DOCK5: variants seen among roughly 807,000 people sequenced by gnomAD.
DOCK5 encodes the protein dedicator of cytokinesis protein 5.
DOCK5 carries 142 observed loss-of-function variants against 251.8 expected under a neutral mutation model. The ratio of observed to expected loss-of-function variants is 0.56; its 90% CI spans 0.49 to 0.65. DOCK5 has a LOEUF of 0.65. Among genes scored for constraint, DOCK5 ranks in the 30% least tolerant of loss-of-function variants. DOCK5 has a pLI of 0.00. For synonymous variants in DOCK5, 842 were observed against 835.5 expected, an observed-to-expected ratio of 1.01 and a Z score of -0.13; for missense variants, 2,111 against 2,312.3, an observed-to-expected ratio of 0.91 and a Z score of 1.79.
intron 2 of DOCK5, among the ~76,000 whole-genome samples, chr8:25,262,364 C>T (rs1042624707): frequency 1.1e-4 from 17 of 151,866 alleles, no homozygotes; most frequent in African/African-American, 3.9e-4. Context: ...AATCTTGAAA[C>T]ACAACCGTGG....
intron 38 of DOCK5, among the ~76,000 whole-genome samples, chr8:25,379,973 G>A (rs1475432646): frequency 6.6e-6 from 1 of 152,084 alleles, no homozygotes; most frequent in African/African-American, 2.4e-5. Flanking sequence ...ACCTGGGCTG[G>A]CAGAGCTTCC....
At position 25,300,672 on chromosome 8, in the gene DOCK5, CT is replaced by C. The variant is rs760891611; in HGVS notation, c.846+16del. ...CAGTGTTTACAGTAAGTCCTCCCTT[CT>C]GTTTAATCATTCTCTTTGTTTGTGA... On this transcript the variant is annotated intron_variant, in intron 9 of 51. Transcript: ENST00000276440. The C allele has an allele frequency of 3.1e-6, 5 of 1,603,898 alleles. No homozygotes were observed. The East Asian group carries it at 1.1e-4, about 36-fold the overall frequency.
chr8:25,210,041 T>TATATATATATATAA (rs1563309172), intron 1 of DOCK5, among the ~76,000 whole-genome samples: 2 of 17,314 alleles, frequency 1.2e-4, no homozygotes, highest in African/African-American at 5.6e-4. Flanking sequence ...TATAAATGTG[T>TATATATATATATAA]GTGTGTGTGT....
intron 50 of DOCK5, 111 bp from the exon 51 acceptor site, chr8:25,409,988 T>C (rs1311779518): frequency 8.6e-6 from 7 of 814,782 alleles, no homozygotes. Context: ...GAATGTGGCT[T>C]TCATCAGTTG....
intron 2 of DOCK5, among the ~76,000 whole-genome samples, chr8:25,265,061 A>G (rs1271081984): frequency 2.0e-5 from 3 of 151,876 alleles, no homozygotes; most frequent in Admixed American, 2.0e-4. Flanking sequence ...GGCATATAAT[A>G]CCTGTGTCTG....
chr8:25,214,894 C>T (rs1802200153), intron 1 of DOCK5, among the ~76,000 whole-genome samples: 1 of 152,148 alleles, frequency 6.6e-6, no homozygotes, highest in Non-Finnish European at 1.5e-5. Flanking sequence ...TGTGTCCTAC[C>T]CTAACTTTGT....
intron 14 of DOCK5, among the ~76,000 whole-genome samples, chr8:25,317,985 G>C (rs772621136): frequency 3.7e-4 from 57 of 152,172 alleles, no homozygotes; most frequent in Non-Finnish European, 6.9e-4. Context: ...GGAAACACAG[G>C]AGTTAGTGGC....
rs892601551 is a variant in DOCK5, at chr8:25,413,188, G to A, written c.*1890G>A. The A allele has an allele frequency of 1.3e-5, 2 of 152,154 alleles. No individual in the cohort carries two copies. Among genetic ancestry groups the A allele is most frequent in the Non-Finnish European group, 2.9e-5 (2 of 68,018 alleles). The allele number at this position is 152,154 out of a possible 1,614,324, so 9.4% of individuals were successfully genotyped here. A position where few individuals can be genotyped will look rare whatever the true frequency, so the allele number is the denominator to read the frequency against. On this transcript the variant is annotated 3_prime_UTR_variant, in exon 52 of 52. Coordinates refer to ENST00000276440, the MANE Select transcript of DOCK5 (RefSeq NM_024940.8). ...GTGAGGTTTCAATGAGATGAAATAT[G>A]GGAAAGAAGAGGTACTCACCTGATG...
At chr8:25,357,271 A>G (rs963928724) in intron 27 of DOCK5, among the ~76,000 whole-genome samples, 3 of 151,954 alleles carry the variant, frequency 2.0e-5, no homozygotes, top group Non-Finnish European at 4.4e-5. Flanking sequence ...AAATTGTGTT[A>G]GACACCGTTG....
At chr8:25,403,018 C>T (rs759806635) in intron 47 of DOCK5, among the ~76,000 whole-genome samples, 2 of 152,110 alleles carry the variant, frequency 1.3e-5, no homozygotes, top group Admixed American at 6.5e-5. Context: ...AGACTGTCTT[C>T]GATTTAATGA....
chr8:25,233,201 A>AT (rs1802714013), intron 1 of DOCK5, among the ~76,000 whole-genome samples: 1 of 151,854 alleles, frequency 6.6e-6, no homozygotes, highest in African/African-American at 2.4e-5. Context: ...GACTTCACTT[A>AT]TCTGTTTCTC....
At chr8:25,208,949 T>A (rs1321804472) in intron 1 of DOCK5, among the ~76,000 whole-genome samples, 2 of 152,200 alleles carry the variant, frequency 1.3e-5, no homozygotes, top group Admixed American at 6.5e-5. Flanking sequence ...AGAGCTGGTT[T>A]GGAATTCATG....
rs2117193775 is a variant in DOCK5 at position 25,317,047 on chromosome 8, T to C, written c.1359T>C (p.Gly453=). The change falls in exon 14 of 52, where the codon GGT becomes GGC. Residue 453 remains glycine, a synonymous_variant. Coordinates refer to ENST00000276440, the MANE Select transcript of DOCK5 (RefSeq NM_024940.8). The part of the protein sequence containing the change: ...RNDIYVTLIH[G]EFDKGKKKTP... Reference sequence around the variant, plus strand: ...ACATTTATGTCACCCTGATCCACGGTGAGTTTGACAAAGGGAAGAAGAAGA... The same window carrying C: ...ACATTTATGTCACCCTGATCCACGGCGAGTTTGACAAAGGGAAGAAGAAGA... The C allele has an allele frequency of 6.2e-7, 1 of 1,613,824 alleles. No individual in the cohort carries two copies. Among genetic ancestry groups the C allele is most frequent in the Non-Finnish European group, 8.5e-7 (1 of 1,179,840 alleles).
chr8:25,409,034 T>C (rs1374701906), intron 50 of DOCK5, 94 bp downstream of exon 50: 8 of 1,541,772 alleles, frequency 5.2e-6, no homozygotes, highest in Non-Finnish European at 5.4e-6. Flanking sequence ...CCAGAATGTA[T>C]GTAAGACCAT....
intron 40 of DOCK5, among the ~76,000 whole-genome samples, chr8:25,384,906 C>G (rs1489779140): frequency 2.6e-5 from 4 of 152,104 alleles, no homozygotes; most frequent in Admixed American, 6.6e-5. Context: ...GCACTCCAGC[C>G]TGGGCGACAG....
In DOCK5 at chr8:25,184,799, G is replaced by A; in HGVS notation, c.-110G>A. On this transcript the variant is annotated 5_prime_UTR_variant, in exon 1 of 52. Transcript: ENST00000276440. ...CCCGCGGAGTCCAGCGAAGTTTGGC[G>A]GAACATGGCGGAAGCGTCTGGGGCA... The A allele has an allele frequency of 1.1e-5, 12 of 1,059,616 alleles. No individual in the cohort carries two copies. The highest frequency in any genetic ancestry group is 4.4e-5 in the Admixed American group (1 of 22,880). The allele number at this position is 1,059,616 out of a possible 1,614,324, so 65.6% of individuals were successfully genotyped here.
rs1586209085 is a variant in DOCK5, at chr8:25,184,882, C to CCGCCGCCGCGGGGCGAGGT, written c.-19_-1dup. 4 of 1,367,460 alleles carry CCGCCGCCGCGGGGCGAGGT rather than the reference C, an allele frequency of 2.9e-6. No individual in the cohort carries two copies. The highest frequency in any genetic ancestry group is 3.8e-6 in the Non-Finnish European group (4 of 1,053,232). The allele number at this position is 1,367,460 out of a possible 1,614,324, so 84.7% of individuals were successfully genotyped here. A position where few individuals can be genotyped will look rare whatever the true frequency, so the allele number is the denominator to read the frequency against. On this transcript the variant is annotated 5_prime_UTR_variant, in exon 1 of 52. Coordinates refer to ENST00000276440, the MANE Select transcript of DOCK5 (RefSeq NM_024940.8). ...CGAGGAGCTGTAGCAGCCTTAGTCGCCGCCGCCGCGGGGCGAGGTCGCCGC... is the reference window on the plus strand; with the variant it reads ...CGAGGAGCTGTAGCAGCCTTAGTCGCCGCCGCCGCGGGGCGAGGTCGCCGCCGCGGGGCGAGGTCGCCGC...
Position 25,276,433 on chromosome 8 carries a change from C to T in DOCK5, c.224+992C>T, listed in dbSNP as rs555282374. Reference sequence around the variant, plus strand: ...TGTGACAGCTAAGAAGAGTGAGCTACTTAGTCTAAGTGGGAGAGAGAGAGG... The same window carrying T: ...TGTGACAGCTAAGAAGAGTGAGCTATTTAGTCTAAGTGGGAGAGAGAGAGG... On this transcript the variant is annotated intron_variant, in intron 4 of 51. Coordinates refer to ENST00000276440, the MANE Select transcript of DOCK5 (RefSeq NM_024940.8). 2.0e-3 allele frequency among the ~76,000 whole-genome samples: 307 copies of T among 152,238 alleles called. 1 individual carries two copies. Among genetic ancestry groups the T allele is most frequent in the Non-Finnish European group, 3.6e-3 (247 of 68,030 alleles).
In DOCK5 at chr8:25,368,722, T is replaced by C. The variant is rs1321453718; in HGVS notation, c.3435T>C (p.His1145=). The C allele has an allele frequency of 3.1e-6, 5 of 1,612,642 alleles. No individual in the cohort carries two copies. The South Asian group carries it at 5.5e-5, about 18-fold the overall frequency. ...EFNFSGNGNF[H]MFENELITKL... is the part of the protein sequence containing the mutation. ...ATTTCAGTGGAAATGGCAATTTCCATATGGTAAGAAGTGGCAGACCGCGTA... is the reference window on the plus strand; with the variant it reads ...ATTTCAGTGGAAATGGCAATTTCCACATGGTAAGAAGTGGCAGACCGCGTA... The change falls in exon 33 of 52, where the codon CAT becomes CAC. Residue 1145 remains histidine, a synonymous_variant. Coordinates refer to ENST00000276440, the MANE Select transcript of DOCK5 (RefSeq NM_024940.8).
Sources: allele counts gnomAD v4.1 joint callset (sites outside exome capture counted in the v4.1 genomes callset), GRCh38; gene constraint gnomAD v4.1.1; transcripts MANE v1.5; gene names NCBI Gene and HGNC (gene_info 2026-07-23, HGNC 2026-07-21).